The following INTS11 variants were observed in gnomAD, a reference collection of about 807,000 sequenced individuals.
The protein encoded by INTS11 is CPSF3-like protein.
In INTS11, 77 loss-of-function variants were observed where a neutral mutation model predicts 78.6. That is an observed-to-expected ratio of 0.98 (90% CI 0.81 to 1.18). The LOEUF (loss-of-function observed/expected upper bound fraction) is 1.18, where lower values mean the gene tolerates loss of function less well. Ranked by LOEUF, INTS11 falls within the 50% of genes most tolerant of loss-of-function variation. The pLI, the probability that INTS11 is intolerant of heterozygous loss-of-function variation, is 0.00. For synonymous variants in INTS11, 441 were observed against 326.9 expected (o/e 1.35, Z -3.77); for missense variants, 875 against 825.9 (o/e 1.06, Z -0.73).
At chr1:1,313,337 G>C (rs1642359990) in intron 10 of INTS11, 172 bp downstream of exon 10, 1 of 893,382 alleles carries the variant, frequency 1.1e-6, no homozygotes, top group Admixed American at 2.1e-5. Flanking sequence ...GACAAGCTGT[G>C]TCACAGAGAC....
intron 2 of INTS11, 23 bp from the exon 3 acceptor site, chr1:1,320,552 A>G: frequency 6.2e-7 from 1 of 1,612,710 alleles, no homozygotes; most frequent in South Asian, 1.1e-5. Flanking sequence ...TGGGGGTTTC[A>G]GGTTGCACAG....
intron 1 of INTS11, 44 bp from the exon 2 acceptor site, chr1:1,321,137 C>T (rs1642922234): frequency 6.8e-7 from 1 of 1,464,986 alleles, no homozygotes; most frequent in African/African-American, 1.4e-5. Flanking sequence ...GCCCCCCGCC[C>T]CCTGTGCTGC....
rs762705843 is a variant in INTS11 at position 1,314,816 on chromosome 1, G to A, written c.702+8C>T. On this transcript the variant is annotated splice_region_variant and intron_variant, in intron 7 of 16. Transcript: ENST00000435064. The surrounding 1 kb of genome is among the most constrained non-coding windows in gnomAD (Gnocchi z 4.2). ...GAGGGCCCATGTCCCCACCCCTGCT[G>A]CAGCTACCTTCCCACCACGCTCCAC... The A allele has an allele frequency of 1.2e-6, 2 of 1,607,640 alleles. No individual in the cohort carries two copies. The highest frequency in any genetic ancestry group is 2.7e-5 in the African/African-American group (2 of 74,830).
At chr1:1,321,998 G>A (rs1171383366) in intron 1 of INTS11, 3 of 1,351,244 alleles carry the variant, frequency 2.2e-6, no homozygotes, top group African/African-American at 3.0e-5. Context: ...CCACAGAGAG[G>A]GGATCTCAGG....
Position 1,312,482 on chromosome 1 carries a change from CT to C in INTS11, c.1421del (p.Lys474ArgfsTer10), listed in dbSNP as rs755906302. On this transcript the variant is annotated frameshift_variant, in exon 14 of 17. Transcript: ENST00000435064. LOFTEE classifies it high-confidence loss of function. Reference protein sequence around the residue: ...EMAQGLLPEAKKPRLLHGTLI... With the variant: ...EMAQGLLPEAXKPRLLHGTLI... ...GGGTGCCGTGCAGGAGCCGAGGCTTCTTGGCCTCAGGGAGCAGCCCTGCGGA... is the reference window on the plus strand; with the variant it reads ...GGGTGCCGTGCAGGAGCCGAGGCTTCTGGCCTCAGGGAGCAGCCCTGCGGA... 6.3e-7 allele frequency: 1 copy of C among 1,579,900 alleles called. No homozygotes were observed. Among genetic ancestry groups the C allele is most frequent in the African/African-American group, 1.3e-5 (1 of 74,168 alleles).
In INTS11 at chr1:1,315,580, G is replaced by A. The variant is rs2100589168; in HGVS notation, c.468C>T (p.Gly156=). ...DELEIKAYYA[G]HVLGAAMFQI... ...GGAACATGGCTGCCCCCAGCACGTG[G>A]CCTGCATAGTAGGCCTTGATCTCCA... Residue 156 remains glycine (G), a synonymous_variant, in exon 5 of 17, where the codon GGC becomes GGT. Coordinates refer to ENST00000435064, the MANE Select transcript of INTS11 (RefSeq NM_017871.6). 8 of 1,612,150 alleles carry A rather than the reference G, an allele frequency of 5.0e-6. No individual in the cohort carries two copies. The highest frequency in any genetic ancestry group is 4.5e-5 in the East Asian group (2 of 44,842).
rs1366173849 is a variant in INTS11, at chr1:1,314,459, C to T, written c.703-94G>A. 7 of 1,155,912 alleles carry T rather than the reference C, an allele frequency of 6.1e-6. No individual in the cohort carries two copies. Among genetic ancestry groups the T allele is most frequent in the African/African-American group, 3.1e-5 (2 of 64,270 alleles). 71.6% of individuals were successfully genotyped at this position (1,155,912 alleles called of 1,614,324 possible). A position where few individuals can be genotyped will look rare whatever the true frequency, so the allele number is the denominator to read the frequency against. On this transcript the variant is annotated intron_variant, in intron 7 of 16. Transcript: ENST00000435064. This position sits in a 1 kb window ranked among gnomAD's most constrained non-coding sequence, Gnocchi z 4.2. The stretch of plus-strand genomic sequence containing the variant: ...GGCACGGCCAGGTGCCCAAGAGCTG[C>T]GGCCTCATAGGGACCTTAGCCTCTC...
chr1:1,322,721 G>A (rs1412787782), intron 1 of INTS11: 1 of 180,482 alleles, frequency 5.5e-6, no homozygotes, highest in Non-Finnish European at 1.0e-5. Context: ...CGGTGGGGAG[G>A]GATGGGCAGG....
Position 1,319,361 on chromosome 1 carries a change from T to C in INTS11, c.364A>G (p.Thr122Ala), listed in dbSNP as rs1642810255. 1 of 1,613,106 alleles carries C rather than the reference T, an allele frequency of 6.2e-7. No individual in the cohort carries two copies. The highest frequency in any genetic ancestry group is 8.5e-7 in the Non-Finnish European group (1 of 1,179,988). Residue 122 changes from threonine (T) to alanine (A), a missense_variant, in exon 4 of 17, where the codon ACC (threonine) becomes GCC (alanine). By Grantham distance (58) the Thr-to-Ala change is moderately conservative. Transcript: ENST00000435064. ...VDKKGEANFFTSQMIKDCMKK... is the reference protein window; with the variant it reads ...VDKKGEANFFASQMIKDCMKK... ...ATGCAGTCTTTGATCATCTGGGAGG[T>C]GAAGAAGTTGGCCTCGCCCTTCTTG...
chr1:1,318,980 C>T (rs1389835943), intron 4 of INTS11: 1 of 717,308 alleles, frequency 1.4e-6, no homozygotes. Context: ...TCTCTGGCCG[C>T]TCCAAGCGCT....
rs914523916 is a variant in INTS11, at chr1:1,314,122, C to T, written c.767+179G>A. ...CAGGAACCCCTACAAGAGCCGCACA[C>T]GGTGGCGCTGACGGGATGTCACAGG... On this transcript the variant is annotated intron_variant, in intron 8 of 16. Coordinates refer to ENST00000435064, the MANE Select transcript of INTS11 (RefSeq NM_017871.6). The surrounding 1 kb of genome is among the most constrained non-coding windows in gnomAD (Gnocchi z 4.2). 7.6e-5 allele frequency: 58 copies of T among 767,626 alleles called. No homozygotes were observed. The highest frequency in any genetic ancestry group is 3.5e-5 in the Non-Finnish European group (16 of 459,436). The allele number at this position is 767,626 out of a possible 1,614,324, so 47.6% of individuals were successfully genotyped here.
Position 1,313,537 on chromosome 1 carries a change from C to T in INTS11, c.1013G>A (p.Arg338Gln). Reference sequence around the variant, plus strand: ...GTTCTTTTCGTTTCCGGCCCATTTCCGGAAGATCTGCAGGGACTGCCCAGC... The same window carrying T: ...GTTCTTTTCGTTTCCGGCCCATTTCTGGAAGATCTGCAGGGACTGCCCAGC... ...LHAGQSLQIF[R>Q]KWAGNEKNMV... The change falls in exon 10 of 17, where the codon CGG (arginine) becomes CAG (glutamine). Residue 338 changes from arginine to glutamine, a missense_variant. Arg to Gln is a conservative substitution (Grantham distance 43, BLOSUM62 1). Coordinates refer to ENST00000435064, the MANE Select transcript of INTS11 (RefSeq NM_017871.6). 2.5e-6 allele frequency: 4 copies of T among 1,613,038 alleles called. No individual in the cohort carries two copies. The highest frequency in any genetic ancestry group is 2.5e-6 in the Non-Finnish European group (3 of 1,180,020).
chr1:1,317,280 G>A (rs2100603861), intron 4 of INTS11: 1 of 155,162 alleles, frequency 6.4e-6, no homozygotes, highest in South Asian at 2.0e-4. Context: ...TGTAATCCCA[G>A]CTACTCGGGA....
At position 1,313,553 on chromosome 1, in the gene INTS11, A is replaced by C. The variant is rs1395270932; in HGVS notation, c.997T>G (p.Ser333Ala). Residue 333 changes from serine to alanine, a missense_variant, in exon 10 of 17, where the codon TCC becomes GCC. By Grantham distance (99) the Ser-to-Ala change is moderately conservative. Transcript: ENST00000435064. ...GCCCATTTCCGGAAGATCTGCAGGG[A>C]CTGCCCAGCGTGCAGCATTCCTGGC... ...ATPGMLHAGQSLQIFRKWAGN... is the reference protein window; with the variant it reads ...ATPGMLHAGQALQIFRKWAGN... 1 of 1,612,828 alleles carries C rather than the reference A, an allele frequency of 6.2e-7. No individual in the cohort carries two copies. Among genetic ancestry groups the C allele is most frequent in the East Asian group, 2.2e-5 (1 of 44,900 alleles).
In INTS11 at chr1:1,312,520, G is replaced by A. The variant is rs755581282; in HGVS notation, c.1403-19C>T. The A allele has an allele frequency of 2.2e-5, 35 of 1,584,316 alleles. No individual in the cohort carries two copies. Among genetic ancestry groups the A allele is most frequent in the Admixed American group, 3.6e-5 (2 of 55,778 alleles). ...AGCAGCCCTGCGGAGGAGGTGGCAG[G>A]AGCCATCAATGTGAGGGCCGCTCCC... On this transcript the variant is annotated intron_variant, in intron 13 of 16. Transcript: ENST00000435064.
In INTS11 at chr1:1,314,786, T is replaced by C. The variant is rs553165409; in HGVS notation, c.702+38A>G. ...GCCTGCCAGAAAGACCAGCCCAGCA[T>C]GGCCGAGGGCCCATGTCCCCACCCC... is the stretch of plus-strand genomic sequence containing the variant. On this transcript the variant is annotated intron_variant, in intron 7 of 16. Transcript: ENST00000435064. This position sits in a 1 kb window ranked among gnomAD's most constrained non-coding sequence, Gnocchi z 4.2. The C allele has an allele frequency of 6.3e-7, 1 of 1,590,034 alleles. No individual in the cohort carries two copies. Among genetic ancestry groups the C allele is most frequent in the East Asian group, 2.3e-5 (1 of 44,324 alleles).
chr1:1,315,480 C>T, intron 5 of INTS11, 40 bp downstream of exon 5: 1 of 1,612,862 alleles, frequency 6.2e-7, no homozygotes, highest in Non-Finnish European at 8.5e-7. Flanking sequence ...GTGCCTCCCA[C>T]CCCAGCAGCC....
chr1:1,320,173 T>G, intron 3 of INTS11: 4 of 402,090 alleles, frequency 9.9e-6, no homozygotes, highest in East Asian at 4.8e-5. Context: ...AACAAGACAG[T>G]GGGGTTTAAA....
In INTS11 at chr1:1,312,703, G is replaced by A. The variant is rs1212260237; in HGVS notation, c.1295-3C>T. The A allele has an allele frequency of 1.1e-5, 17 of 1,591,010 alleles. No homozygotes were observed. The East Asian group carries it at 3.8e-4, about 36-fold the overall frequency. On this transcript the variant is annotated splice_polypyrimidine_tract_variant and splice_region_variant and intron_variant, in intron 12 of 16. Transcript: ENST00000435064. ...GGCCGGCATGTAGCAGTTGACCCCT[G>A]GACCCCGGGGGAAGAGAGAGCCTCA...
Sources: gnomAD v4.1 joint callset for allele counts on GRCh38, gnomAD v4.1.1 for gene constraint, Gnocchi (gnomAD v3.1) non-coding constraint, MANE v1.5 for transcripts, NCBI Gene and HGNC (gene_info 2026-07-23, HGNC 2026-07-21) for gene names.